Variants in HHAT observed in about 807,000 individuals in gnomAD.
The protein encoded by HHAT is hedgehog acyltransferase.
In HHAT, 47 loss-of-function variants were observed where a neutral mutation model predicts 70.8. The ratio of observed to expected loss-of-function variants is 0.66; its 90% CI spans 0.53 to 0.85. The LOEUF is 0.85. HHAT is among the 40% of genes least tolerant of loss of function. The pLI is 0.00. For synonymous variants in HHAT, 228 were observed against 247.6 expected (o/e 0.92, Z 0.74); for missense variants, 609 against 604.8 (o/e 1.01, Z -0.07).
At chr1:210,670,027 G>T (rs969832740) in intron 11 of HHAT, among the ~76,000 whole-genome samples, 1 of 152,080 alleles carries the variant, frequency 6.6e-6, no homozygotes, top group Non-Finnish European at 1.5e-5. Context: ...ACAGTGGACT[G>T]CAGGGGGAGG....
intron 2 of HHAT, among the ~76,000 whole-genome samples, chr1:210,356,140 T>C (rs1162657875): frequency 2.0e-5 from 3 of 151,632 alleles, no homozygotes; most frequent in African/African-American, 7.3e-5. Flanking sequence ...TTGCCCAGGC[T>C]GGTCTTAAAC....
intron 1 of HHAT, among the ~76,000 whole-genome samples, chr1:210,330,855 G>A (rs1280965122): frequency 6.6e-6 from 1 of 152,196 alleles, no homozygotes; most frequent in East Asian, 1.9e-4. Context: ...GTCTCGCTGG[G>A]TCACCCAGGC....
chr1:210,359,296 C>G (rs1253924715), intron 2 of HHAT, among the ~76,000 whole-genome samples: 1 of 152,190 alleles, frequency 6.6e-6, no homozygotes, highest in Non-Finnish European at 1.5e-5. Flanking sequence ...ATAAATATAA[C>G]TGCCTTTGTA....
chr1:210,434,840 G>A (rs2093338478), intron 7 of HHAT, among the ~76,000 whole-genome samples: 1 of 151,742 alleles, frequency 6.6e-6, no homozygotes, highest in Non-Finnish European at 1.5e-5. Flanking sequence ...TAATTTTTAT[G>A]TTTTTCATTA....
intron 7 of HHAT, among the ~76,000 whole-genome samples, chr1:210,436,871 C>G (rs1558513605): frequency 6.6e-6 from 1 of 151,324 alleles, no homozygotes; most frequent in East Asian, 1.9e-4. Context: ...CCATGAGGAA[C>G]CCCAAATGGC....
At chr1:210,467,668 G>A (rs926656375) in intron 8 of HHAT, among the ~76,000 whole-genome samples, 7 of 152,182 alleles carry the variant, frequency 4.6e-5, no homozygotes, top group African/African-American at 1.7e-4. Flanking sequence ...AGGGCATGGT[G>A]GATGGGAAGT....
chr1:210,587,966 C>T lies in HHAT; in HGVS notation c.1112C>T (p.Thr371Ile), dbSNP rs149597734. Reference sequence around the variant, plus strand: ...GGGACACTGTTTTCCACGGCGATGACATTTGCATTTGTGAGCTACTGGCAT... The same window carrying T: ...GGGACACTGTTTTCCACGGCGATGATATTTGCATTTGTGAGCTACTGGCAT... ...LLGTLFSTAM[T>I]FAFVSYWHGG... is the part of the protein sequence containing the mutation. Residue 371 changes from threonine (T) to isoleucine (I), a missense_variant, in exon 10 of 12, where the codon ACA becomes ATA. By Grantham distance (89) the Thr-to-Ile change is moderately conservative. Coordinates refer to ENST00000261458, the MANE Select transcript of HHAT (RefSeq NM_018194.6). The T allele has an allele frequency of 5.9e-3, 9,523 of 1,614,116 alleles. 33 individuals carry two copies. Among genetic ancestry groups the T allele is most frequent in the Non-Finnish European group, 7.3e-3 (8,614 of 1,180,010 alleles).
At chr1:210,477,365 C>A (rs1446534467) in intron 8 of HHAT, among the ~76,000 whole-genome samples, 3 of 152,192 alleles carry the variant, frequency 2.0e-5, no homozygotes, top group African/African-American at 7.2e-5. Context: ...CCCACTGTTT[C>A]CCTAGAGTTG....
rs1662973199 is a variant in HHAT, at chr1:210,596,241, T to G, written c.1245+8142T>G. Reference sequence around the variant, plus strand: ...TTAAATAGGGAATCGTTTCCCCATTTCTTGTTCAGATTCTTAATTAATACT... The same window carrying G: ...TTAAATAGGGAATCGTTTCCCCATTGCTTGTTCAGATTCTTAATTAATACT... On this transcript the variant is annotated intron_variant, in intron 10 of 11. Coordinates refer to ENST00000261458, the MANE Select transcript of HHAT (RefSeq NM_018194.6). Among the ~76,000 whole-genome samples the G allele has an allele frequency of 2.0e-5, 3 of 152,156 alleles. No individual in the cohort carries two copies. The South Asian group carries it at 6.2e-4, about 32-fold the overall frequency.
intron 9 of HHAT, among the ~76,000 whole-genome samples, chr1:210,552,490 G>A (rs560146831): frequency 6.6e-6 from 1 of 152,312 alleles, no homozygotes; most frequent in East Asian, 1.9e-4. Flanking sequence ...CTCGTGGGAT[G>A]GACAACTTTG....
rs185140064 is a variant in HHAT, at chr1:210,449,717, C to T, written c.857-14788C>T. Among the ~76,000 whole-genome samples the T allele has an allele frequency of 3.5e-3, 527 of 152,244 alleles. 5 individuals are homozygous for T. Among genetic ancestry groups the T allele is most frequent in the Middle Eastern group, 0.024 (7 of 294 alleles). ...ACAGGGCATATTAAGGGAGGCTAGA[C>T]GGGCTAGATGATTGTGAGTTATGTA... On this transcript the variant is annotated intron_variant, in intron 7 of 11. Transcript: ENST00000261458.
chr1:210,329,273 G>T, intron 1 of HHAT, 169 bp downstream of exon 1: 1 of 1,177,724 alleles, frequency 8.5e-7, no homozygotes, highest in African/African-American at 1.6e-5. Flanking sequence ...GGGCGAAGAA[G>T]ACAAAAGCGG....
At chr1:210,517,954 A>C (rs529557621) in intron 9 of HHAT, among the ~76,000 whole-genome samples, 1 of 152,324 alleles carries the variant, frequency 6.6e-6, no homozygotes, top group South Asian at 2.1e-4. Context: ...GGATAACATC[A>C]TGACTTTAAA....
chr1:210,353,801 C>T (rs537670200), intron 2 of HHAT, among the ~76,000 whole-genome samples: 55 of 151,972 alleles, frequency 3.6e-4, no homozygotes, highest in Middle Eastern at 3.4e-3. Context: ...TCAGTTGTTT[C>T]TTTTTGTTTT....
intron 9 of HHAT, among the ~76,000 whole-genome samples, chr1:210,587,279 T>C (rs530243513): frequency 5.7e-4 from 86 of 152,100 alleles, no homozygotes; most frequent in African/African-American, 2.0e-3. Flanking sequence ...TGGCAGAAGG[T>C]GAAGGAGAAG....
chr1:210,493,919 T>C (rs995594586), intron 8 of HHAT, among the ~76,000 whole-genome samples: 8 of 152,236 alleles, frequency 5.3e-5, no homozygotes, highest in South Asian at 2.1e-4. Flanking sequence ...TGTCTTTCTT[T>C]GTCAATCTGT....
chr1:210,367,914 C>T (rs1051872473), intron 3 of HHAT, among the ~76,000 whole-genome samples: 3 of 129,348 alleles, frequency 2.3e-5, no homozygotes, highest in African/African-American at 5.7e-5. Context: ...CCCTCCCCCA[C>T]CCCCCACCCC....
rs2148197545 is a variant in HHAT at position 210,400,653 on chromosome 1, A to G, written c.459A>G (p.Glu153=). Residue 153 remains glutamate (E), a synonymous_variant, in exon 5 of 12, where the codon GAA becomes GAG. Transcript: ENST00000261458. ...CCACACTGAGGCTGCAGGGTGTGGA[A>G]GAAGTTAAGGTAAGTGTTTTCCTGT... ...LLSTLRLQGV[E]EVKRRWYKTE... 6.2e-7 allele frequency: 1 copy of G among 1,612,726 alleles called. No individual in the cohort carries two copies. Among genetic ancestry groups the G allele is most frequent in the Non-Finnish European group, 8.5e-7 (1 of 1,179,424 alleles).
chr1:210,555,459 T>TAG (rs2095563587), intron 9 of HHAT, among the ~76,000 whole-genome samples: 1 of 152,200 alleles, frequency 6.6e-6, no homozygotes, highest in Non-Finnish European at 1.5e-5. Context: ...TGGGAAGTCC[T>TAG]GGAATTGGGC....
Sources: allele counts gnomAD v4.1 joint callset (sites outside exome capture counted in the v4.1 genomes callset), GRCh38; gene constraint gnomAD v4.1.1; transcripts MANE v1.5; gene names NCBI Gene and HGNC (gene_info 2026-07-23, HGNC 2026-07-21).